Variants in IQGAP2 observed in about 807,000 individuals in gnomAD.
The protein encoded by IQGAP2 is ras GTPase-activating-like protein IQGAP2.
In IQGAP2, 173 loss-of-function variants were observed where a neutral mutation model predicts 201.3. The observed-to-expected ratio is 0.86, with a 90% CI of 0.76 to 0.98. IQGAP2 has a LOEUF of 0.98. Among genes scored for constraint, IQGAP2 ranks in the 50% least tolerant of loss-of-function variants. IQGAP2 has a pLI of 0.00. For missense variants in IQGAP2, 1,687 were observed against 1,864.8 expected, an observed-to-expected ratio of 0.90 and a Z score of 1.76; for synonymous variants, 675 against 673.9, an observed-to-expected ratio of 1.00 and a Z score of -0.03.
At chr5:76,416,186 A>G (rs1037376508) in intron 1 of IQGAP2, among the ~76,000 whole-genome samples, 2 of 152,198 alleles carry the variant, frequency 1.3e-5, no homozygotes, top group Non-Finnish European at 2.9e-5. Context: ...TTTATGACCA[A>G]ATGCCTTCAG....
Position 76,415,159 on chromosome 5 carries a change from G to C in IQGAP2, c.46+11568G>C, listed in dbSNP as rs535501595. On this transcript the variant is annotated intron_variant, in intron 1 of 35. Transcript: ENST00000274364. The stretch of plus-strand genomic sequence containing the variant: ...TTTGAAATAGTTTTCACCATATGCC[G>C]TATTACCCTTTGAAAAAATAAAGCA... 5.9e-5 allele frequency among the ~76,000 whole-genome samples: 9 copies of C among 152,236 alleles called. No individual in the cohort carries two copies. In the South Asian group the frequency reaches 1.9e-3, roughly 32 times the overall value.
At chr5:76,511,702 A>G (rs1295928300) in intron 2 of IQGAP2, among the ~76,000 whole-genome samples, 5 of 146,546 alleles carry the variant, frequency 3.4e-5, no homozygotes, top group African/African-American at 5.1e-5. Flanking sequence ...TTTTTTTGAG[A>G]CGGAGTCTCG....
At chr5:76,674,905 AC>A (rs1679152427) in intron 27 of IQGAP2, among the ~76,000 whole-genome samples, 196 bp downstream of exon 27, 1 of 152,100 alleles carries the variant, frequency 6.6e-6, no homozygotes, top group African/African-American at 2.4e-5. Flanking sequence ...ATCCTATCGC[AC>A]CCCCACCACA....
chr5:76,581,077 A>G (rs1311609334), intron 5 of IQGAP2, among the ~76,000 whole-genome samples: 1 of 152,164 alleles, frequency 6.6e-6, no homozygotes, highest in African/African-American at 2.4e-5. Flanking sequence ...TGGTGATGCC[A>G]TGGCTCTGGC....
intron 12 of IQGAP2, chr5:76,607,114 C>G (rs1295063741): frequency 6.6e-6 from 1 of 152,132 alleles, no homozygotes; most frequent in African/African-American, 2.4e-5. Flanking sequence ...TCCAAGCTCG[C>G]GGATAGAGTG....
At chr5:76,445,127 C>T (rs1377338879) in intron 1 of IQGAP2, among the ~76,000 whole-genome samples, 4 of 152,144 alleles carry the variant, frequency 2.6e-5, no homozygotes, top group Non-Finnish European at 5.9e-5. Context: ...CTTCCAGTGG[C>T]ATGTGAGCAA....
At chr5:76,588,847 T>C in intron 5 of IQGAP2, 59 bp from the exon 6 acceptor site, 1 of 1,009,744 alleles carries the variant, frequency 9.9e-7, no homozygotes, top group Non-Finnish European at 1.5e-6. Flanking sequence ...TTATGTAATT[T>C]ATAACATTAA....
At chr5:76,590,656 T>C in intron 8 of IQGAP2, 70 bp downstream of exon 8, 1 of 1,185,220 alleles carries the variant, frequency 8.4e-7, no homozygotes, top group Non-Finnish European at 1.2e-6. Flanking sequence ...AAAGCCTTAA[T>C]GTTGAAAGCA....
intron 2 of IQGAP2, among the ~76,000 whole-genome samples, chr5:76,477,720 G>A (rs1755525147): frequency 6.6e-6 from 1 of 152,138 alleles, no homozygotes; most frequent in South Asian, 2.1e-4. Flanking sequence ...TGGAGGAGAA[G>A]GCATTGTTAT....
chr5:76,584,911 T>C (rs1746136421), intron 5 of IQGAP2, among the ~76,000 whole-genome samples: 2 of 152,210 alleles, frequency 1.3e-5, no homozygotes, highest in Admixed American at 6.5e-5. Flanking sequence ...AATGAAAATA[T>C]TAAAATATGT....
intron 2 of IQGAP2, among the ~76,000 whole-genome samples, chr5:76,470,792 AC>A (rs1368426764): frequency 6.6e-6 from 1 of 152,086 alleles, no homozygotes; most frequent in Non-Finnish European, 1.5e-5. Context: ...TACTAAATGG[AC>A]TTTTTAGGTT....
chr5:76,633,496 ATTG>A (rs1750871735), intron 15 of IQGAP2, among the ~76,000 whole-genome samples: 1 of 151,708 alleles, frequency 6.6e-6, no homozygotes, highest in South Asian at 2.1e-4. Flanking sequence ...ATATTTTGGG[ATTG>A]TTTATTGCTA....
intron 31 of IQGAP2, among the ~76,000 whole-genome samples, chr5:76,694,382 A>G (rs374910834): frequency 3.7e-4 from 57 of 152,322 alleles, no homozygotes; most frequent in Middle Eastern, 3.4e-3. Context: ...GGTTAGTATA[A>G]AAGACTTTTA....
intron 2 of IQGAP2, among the ~76,000 whole-genome samples, chr5:76,518,606 C>A (rs1187060558): frequency 1.4e-4 from 22 of 152,150 alleles, no homozygotes. Flanking sequence ...AGGATTTCAA[C>A]TTTGATGTAT....
At chr5:76,599,039 A>G (rs913210012) in intron 10 of IQGAP2, among the ~76,000 whole-genome samples, 1 of 152,200 alleles carries the variant, frequency 6.6e-6, no homozygotes, top group Non-Finnish European at 1.5e-5. Context: ...AAGGATATAC[A>G]CAAAAGAGCT....
chr5:76,569,143 A>C (rs1404745188), intron 3 of IQGAP2, among the ~76,000 whole-genome samples: 1 of 152,196 alleles, frequency 6.6e-6, no homozygotes, highest in Non-Finnish European at 1.5e-5. Context: ...CTTCCAAAGA[A>C]TAATCAAACA....
chr5:76,552,463 C>G (rs908742475), intron 2 of IQGAP2, among the ~76,000 whole-genome samples: 2 of 152,190 alleles, frequency 1.3e-5, no homozygotes, highest in African/African-American at 4.8e-5. Context: ...TCTCTCACTT[C>G]TCTTGCACTT....
At chr5:76,454,119 A>C (rs1289910716) in intron 1 of IQGAP2, among the ~76,000 whole-genome samples, 1 of 152,100 alleles carries the variant, frequency 6.6e-6, no homozygotes, top group Non-Finnish European at 1.5e-5. Flanking sequence ...TTGTCCAAGA[A>C]ATCCCAAATC....
intron 1 of IQGAP2, among the ~76,000 whole-genome samples, chr5:76,409,675 C>T (rs1291608680): frequency 6.6e-6 from 1 of 152,098 alleles, no homozygotes; most frequent in Non-Finnish European, 1.5e-5. Flanking sequence ...GTGATGTGCC[C>T]CAGTGATTGC....
Sources: allele counts gnomAD v4.1 joint callset (sites outside exome capture counted in the v4.1 genomes callset), GRCh38; gene constraint gnomAD v4.1.1; transcripts MANE v1.5; gene names NCBI Gene and HGNC (gene_info 2026-07-23, HGNC 2026-07-21).